The following LINGO2 variants were observed in gnomAD, a reference collection of about 807,000 sequenced individuals.
LINGO2 encodes leucine-rich repeat and immunoglobulin-like domain-containing nogo receptor-interacting protein 2.
LINGO2 carries 14 observed loss-of-function variants against 30.6 expected under a neutral mutation model. The ratio of observed to expected loss-of-function variants is 0.46; its 90% confidence interval spans 0.30 to 0.72. The LOEUF (loss-of-function observed/expected upper bound fraction) is 0.72. Among genes scored for constraint, LINGO2 ranks in the 30% least tolerant of loss-of-function variants. The pLI, the probability that LINGO2 is intolerant of heterozygous loss-of-function variation, is 0.07. For synonymous variants in LINGO2, 317 were observed against 288.5 expected, an observed-to-expected ratio of 1.10 and a Z score of -1.00; for missense variants, 729 against 751.7, an observed-to-expected ratio of 0.97 and a Z score of 0.35.
chr9:28,194,580 A>AAAT (rs1819942593), intron 4 of LINGO2, among the ~76,000 whole-genome samples: 1 of 124,154 alleles, frequency 8.1e-6, no homozygotes, highest in Non-Finnish European at 1.8e-5. Context: ...AAAAAAAAAA[A>AAAT]TGGCTAAATT....
the LINGO2 span, among the ~76,000 whole-genome samples, chr9:29,161,618 A>G: frequency 6.6e-6 from 1 of 152,144 alleles, no homozygotes; most frequent in African/African-American, 2.4e-5. Context: ...TTCTGATTCA[A>G]TAGGTAGGAG....
At chr9:28,580,628 A>G (rs1266155069) in intron 1 of LINGO2, among the ~76,000 whole-genome samples, 1 of 152,066 alleles carries the variant, frequency 6.6e-6, no homozygotes, top group Non-Finnish European at 1.5e-5. Context: ...GTATGGTTAT[A>G]CTGTCTGCTA....
At chr9:27,937,700 A>C in the LINGO2 span, 1 of 152,320 alleles carries the variant, frequency 6.6e-6, no homozygotes, top group Admixed American at 6.5e-5. Flanking sequence ...CAAACATACA[A>C]ATCAATTACA....
At chr9:28,704,831 C>T in the LINGO2 span, among the ~76,000 whole-genome samples, 1 of 151,962 alleles carries the variant, frequency 6.6e-6, no homozygotes, top group Non-Finnish European at 1.5e-5. Flanking sequence ...TTCTTTAGGG[C>T]CCTTAGCATG....
chr9:28,000,082 C>G (rs1821871133), intron 5 of LINGO2, among the ~76,000 whole-genome samples: 1 of 152,144 alleles, frequency 6.6e-6, no homozygotes, highest in South Asian at 2.1e-4. Context: ...ATTTTAGATA[C>G]TTAACAGGAT....
the LINGO2 span, among the ~76,000 whole-genome samples, chr9:28,789,633 T>C: frequency 1.3e-5 from 2 of 152,016 alleles, no homozygotes; most frequent in African/African-American, 2.4e-5. Flanking sequence ...ATGGTTAATT[T>C]AGAAAAAATT....
intron 5 of LINGO2, among the ~76,000 whole-genome samples, chr9:27,982,938 C>T (rs749404020): frequency 4.0e-5 from 6 of 151,720 alleles, no homozygotes; most frequent in Non-Finnish European, 2.9e-5. Context: ...TACATGTTAT[C>T]AATCCATTGT....
At chr9:28,881,340 T>C in the LINGO2 span, among the ~76,000 whole-genome samples, 1 of 152,016 alleles carries the variant, frequency 6.6e-6, no homozygotes, top group Non-Finnish European at 1.5e-5. Flanking sequence ...GCCAGGCTGG[T>C]CTCGAACCCC....
intron 5 of LINGO2, among the ~76,000 whole-genome samples, chr9:27,995,554 C>A (rs1011747122): frequency 2.6e-5 from 4 of 152,020 alleles, no homozygotes; most frequent in Non-Finnish European, 4.4e-5. Flanking sequence ...GGATTTATTC[C>A]AGAGATGTAA....
chr9:28,625,645 A>C (rs1359718685), intron 1 of LINGO2, among the ~76,000 whole-genome samples: 1 of 152,094 alleles, frequency 6.6e-6, no homozygotes, highest in Non-Finnish European at 1.5e-5. Context: ...CAGTAAAATG[A>C]GGTATGCCCA....
At chr9:28,694,362 T>G in the LINGO2 span, among the ~76,000 whole-genome samples, 1 of 152,036 alleles carries the variant, frequency 6.6e-6, no homozygotes, top group Non-Finnish European at 1.5e-5. Flanking sequence ...AGTCAAACTA[T>G]GGCTAAATTT....
chr9:28,263,217 C>A (rs1050218271), intron 4 of LINGO2, among the ~76,000 whole-genome samples: 5 of 151,990 alleles, frequency 3.3e-5, no homozygotes, highest in Non-Finnish European at 7.4e-5. Context: ...GAGTCTCCTG[C>A]AACTTCTTGT....
intron 3 of LINGO2, among the ~76,000 whole-genome samples, chr9:28,315,055 G>A (rs369133464): frequency 2.6e-5 from 4 of 151,252 alleles, no homozygotes; most frequent in African/African-American, 9.7e-5. Context: ...AAACATTTCA[G>A]GAGTATAGAA....
intron 1 of LINGO2, among the ~76,000 whole-genome samples, chr9:28,589,996 T>C (rs1235428015): frequency 6.6e-6 from 1 of 151,994 alleles, no homozygotes; most frequent in Non-Finnish European, 1.5e-5. Context: ...TCAGAGATAA[T>C]GCTGCATATC....
chr9:27,956,793 A>G (rs1244361099), intron 5 of LINGO2, among the ~76,000 whole-genome samples: 2 of 152,134 alleles, frequency 1.3e-5, no homozygotes, highest in Admixed American at 6.6e-5. Context: ...GTTATTTCTT[A>G]AAAAGACTTT....
At chr9:28,423,818 G>T (rs1564190354) in intron 2 of LINGO2, among the ~76,000 whole-genome samples, 1 of 152,004 alleles carries the variant, frequency 6.6e-6, no homozygotes, top group Non-Finnish European at 1.5e-5. Context: ...CTAAATCTTT[G>T]TTCGTTTTCA....
At chr9:28,214,435 T>G (rs553789950) in intron 4 of LINGO2, among the ~76,000 whole-genome samples, 2 of 151,586 alleles carry the variant, frequency 1.3e-5, no homozygotes, top group Non-Finnish European at 3.0e-5. Context: ...CGAAGAAAAT[T>G]TGTTCAATTC....
chr9:28,314,845 C>T (rs770914363), intron 3 of LINGO2, among the ~76,000 whole-genome samples: 8 of 151,610 alleles, frequency 5.3e-5, no homozygotes, highest in African/African-American at 1.7e-4. Flanking sequence ...ATTAGCCGGG[C>T]GTGGTGGCGG....
intron 1 of LINGO2, among the ~76,000 whole-genome samples, chr9:28,651,226 T>C (rs545386756): frequency 6.6e-6 from 1 of 151,790 alleles, no homozygotes; most frequent in Non-Finnish European, 1.5e-5. Flanking sequence ...GAAGAGGACC[T>C]ACTCTGACAT....
Sources: allele counts gnomAD v4.1 joint callset (sites outside exome capture counted in the v4.1 genomes callset), GRCh38; gene constraint gnomAD v4.1.1; transcripts MANE v1.5; gene names NCBI Gene and HGNC (gene_info 2026-07-23, HGNC 2026-07-21).